The following RPS19 variants were observed in gnomAD, a reference collection of about 807,000 sequenced individuals.
RPS19 encodes ribosomal protein S19.
A neutral mutation model predicts 20.3 loss-of-function variants in RPS19; 1 was observed. The ratio of observed to expected loss-of-function variants is 0.05; its 90% confidence interval spans 0.02 to 0.23. The LOEUF (loss-of-function observed/expected upper bound fraction) is 0.23. Ranked by LOEUF, RPS19 falls within the 10% of genes least tolerant of loss-of-function variation. RPS19 has a pLI of 1.00. For synonymous variants in RPS19, 87 were observed against 74.8 expected (o/e 1.16, Z -0.84); for missense variants, 111 against 192.7 (o/e 0.58, Z 2.51).
intron 1 of RPS19, 109 bp from the exon 2 acceptor site, chr19:41,860,666 G>C: frequency 1.1e-6 from 1 of 876,822 alleles, no homozygotes; most frequent in Non-Finnish European, 2.0e-6. Context: ...AAGTAACGGG[G>C]GGTACCACGG....
chr19:41,872,322 A>C lies in RPS19; in HGVS notation c.*945A>C, dbSNP rs1442641140. ...TTGGGAAGACTAAACTGGTTTGGCCAATATCTCCCAGGATTCCCCTGTCCA... is the reference window on the plus strand; with the variant it reads ...TTGGGAAGACTAAACTGGTTTGGCCCATATCTCCCAGGATTCCCCTGTCCA... On this transcript the variant is annotated 3_prime_UTR_variant, in exon 6 of 6. Coordinates refer to ENST00000598742, the MANE Select transcript of RPS19 (RefSeq NM_001022.4). The C allele has an allele frequency of 6.6e-6, 1 of 152,272 alleles. No individual in the cohort carries two copies. Among genetic ancestry groups the C allele is most frequent in the Non-Finnish European group, 1.5e-5 (1 of 68,038 alleles). The allele number at this position is 152,272 out of a possible 1,614,324, so 9.4% of individuals were successfully genotyped here.
At chr19:41,865,838 A>G (rs2074080960) in intron 3 of RPS19, among the ~76,000 whole-genome samples, 1 of 149,294 alleles carries the variant, frequency 6.7e-6, no homozygotes, top group Non-Finnish European at 1.5e-5. Flanking sequence ...AGTCCCAGTT[A>G]CTGTAGAGGC....
Position 41,871,338 on chromosome 19 carries a change from T to C in RPS19, c.412-13T>C, listed in dbSNP as rs2074147601. ...CCCTTGACTAACTTTTATTCTTCCA[T>C]CTTTTCCCACAGGTGGCAGCTGCCA... On this transcript the variant is annotated splice_polypyrimidine_tract_variant and intron_variant, in intron 5 of 5. Transcript: ENST00000598742. 5 of 1,613,838 alleles carry C rather than the reference T, an allele frequency of 3.1e-6. No homozygotes were observed. In the East Asian group the frequency reaches 1.1e-4, roughly 36 times the overall value.
At chr19:41,870,753 A>G in intron 5 of RPS19, among the ~76,000 whole-genome samples, 1 of 146,606 alleles carries the variant, frequency 6.8e-6, no homozygotes, top group South Asian at 2.3e-4. Flanking sequence ...TTCCAGGCAG[A>G]GTGGGGCTTG....
chr19:41,871,400 A>G lies in RPS19; in HGVS notation c.*23A>G. 6.2e-7 allele frequency: 1 copy of G among 1,610,250 alleles called. No homozygotes were observed. The highest frequency in any genetic ancestry group is 8.5e-7 in the Non-Finnish European group (1 of 1,176,842). Reference sequence around the variant, plus strand: ...TAGAACAAACCATGCTGGGTTAATAAATTGCCTCATTCGTAATCCTGGTCT... The same window carrying G: ...TAGAACAAACCATGCTGGGTTAATAGATTGCCTCATTCGTAATCCTGGTCT... On this transcript the variant is annotated 3_prime_UTR_variant, in exon 6 of 6. Coordinates refer to ENST00000598742, the MANE Select transcript of RPS19 (RefSeq NM_001022.4).
At chr19:41,868,261 G>C (rs945905154) in intron 3 of RPS19, among the ~76,000 whole-genome samples, 3 of 152,186 alleles carry the variant, frequency 2.0e-5, no homozygotes, top group Non-Finnish European at 4.4e-5. Context: ...GGACAGGGCA[G>C]TTCCTCCAGA....
At chr19:41,870,331 C>T (rs2074133849) in intron 5 of RPS19, among the ~76,000 whole-genome samples, 4 of 152,154 alleles carry the variant, frequency 2.6e-5, no homozygotes, top group Non-Finnish European at 5.9e-5. Context: ...GATGACTCCC[C>T]CTCCCCAGGT....
intron 5 of RPS19, among the ~76,000 whole-genome samples, chr19:41,870,818 G>C (rs916358482): frequency 6.7e-6 from 1 of 150,048 alleles, no homozygotes; most frequent in Non-Finnish European, 1.5e-5. Flanking sequence ...GGCAGTGGGC[G>C]GAATTTGGAC....
At chr19:41,866,947 G>A (rs575788809) in intron 3 of RPS19, among the ~76,000 whole-genome samples, 1 of 151,958 alleles carries the variant, frequency 6.6e-6, no homozygotes, top group Non-Finnish European at 1.5e-5. Flanking sequence ...AACCCGGAAG[G>A]CAGAGCTTGC....
chr19:41,861,237 G>A (rs368234739), intron 3 of RPS19, 25 bp downstream of exon 3: 1 of 1,556,806 alleles, frequency 6.4e-7, no homozygotes, highest in Non-Finnish European at 8.9e-7. Context: ...TCTTTGGCTG[G>A]AGAGTGGGGA....
At position 41,871,923 on chromosome 19, in the gene RPS19, C is replaced by G. The variant is rs1443877965; in HGVS notation, c.*546C>G. Reference sequence around the variant, plus strand: ...TCCCTGGAAGGTAGAAAAGGACAGACCACCAGGGAGCCTCCACCGCAAACT... The same window carrying G: ...TCCCTGGAAGGTAGAAAAGGACAGAGCACCAGGGAGCCTCCACCGCAAACT... On this transcript the variant is annotated 3_prime_UTR_variant, in exon 6 of 6. Transcript: ENST00000598742. 6.0e-6 allele frequency: 1 copy of G among 166,620 alleles called. No individual in the cohort carries two copies. Among genetic ancestry groups the G allele is most frequent in the African/African-American group, 2.4e-5 (1 of 41,636 alleles). 10.3% of individuals were successfully genotyped at this position (166,620 alleles called of 1,614,324 possible). A position where few individuals can be genotyped will look rare whatever the true frequency, so the allele number is the denominator to read the frequency against.
At position 41,861,093 on chromosome 19, in the gene RPS19, C is replaced by G. The variant is rs782346634; in HGVS notation, c.72-19C>G. The G allele has an allele frequency of 3.8e-6, 6 of 1,597,374 alleles. No homozygotes were observed. Among genetic ancestry groups the G allele is most frequent in the Non-Finnish European group, 5.1e-6 (6 of 1,165,186 alleles). ...GTGGAGATGACTGAATCGTGCTTTTCCCACTGTTTTGGTCTTAGGTCCGGG... is the reference window on the plus strand; with the variant it reads ...GTGGAGATGACTGAATCGTGCTTTTGCCACTGTTTTGGTCTTAGGTCCGGG... On this transcript the variant is annotated intron_variant, in intron 2 of 5. Transcript: ENST00000598742.
At position 41,860,882 on chromosome 19, in the gene RPS19, C is replaced by T. The variant is rs1555839091; in HGVS notation, c.71+37C>T. On this transcript the variant is annotated intron_variant, in intron 2 of 5. Transcript: ENST00000598742. ...GACTGAGGTTCAAAACGGGTGGAGG[C>T]TGTCGCCTTGGCCTGCCCATCTGAG... 5.7e-6 allele frequency: 9 copies of T among 1,569,744 alleles called. 1 individual carries two copies. The South Asian group carries it at 1.0e-4, about 17-fold the overall frequency.
intron 3 of RPS19, chr19:41,861,530 C>T (rs1600609621): frequency 2.6e-6 from 1 of 387,964 alleles, no homozygotes; most frequent in Non-Finnish European, 4.9e-6. Flanking sequence ...GGGTTTGGAT[C>T]CATCTTTTAC....
At chr19:41,865,663 CAG>C (rs1403836070) in intron 3 of RPS19, among the ~76,000 whole-genome samples, 3 of 152,070 alleles carry the variant, frequency 2.0e-5, no homozygotes, top group African/African-American at 4.8e-5. Flanking sequence ...AGCAAGATAA[CAG>C]AGGCCCGGCG....
In RPS19 at chr19:41,860,801, G is replaced by A; in HGVS notation, c.27G>A (p.Val9=). The A allele has an allele frequency of 6.2e-7, 1 of 1,614,044 alleles. No individual in the cohort carries two copies. The highest frequency in any genetic ancestry group is 8.5e-7 in the Non-Finnish European group (1 of 1,179,876). The part of the protein sequence containing the change: MPGVTVKD[V]NQQEFVRALA... ...TGCCTGGAGTTACTGTAAAAGACGT[G>A]AACCAGCAGGAGTTCGTCAGAGCTC... is the stretch of plus-strand genomic sequence containing the variant. The change falls in exon 2 of 6, where the codon GTG becomes GTA. Residue 9 remains valine (V), a synonymous_variant. Coordinates refer to ENST00000598742, the MANE Select transcript of RPS19 (RefSeq NM_001022.4).
At chr19:41,861,611 ATTAT>A in intron 3 of RPS19, 1 of 337,554 alleles carries the variant, frequency 3.0e-6, no homozygotes, top group South Asian at 2.5e-5. Context: ...AATGGGACTA[ATTAT>A]TGTACCAGTA....
At chr19:41,865,552 G>A (rs1043622775) in intron 3 of RPS19, among the ~76,000 whole-genome samples, 5 of 152,082 alleles carry the variant, frequency 3.3e-5, no homozygotes, top group Non-Finnish European at 7.4e-5. Context: ...TGCTCTGGGC[G>A]CTAGTCCCAA....
chr19:41,865,235 G>T (rs1459683856), intron 3 of RPS19, among the ~76,000 whole-genome samples: 2 of 151,766 alleles, frequency 1.3e-5, no homozygotes, highest in Non-Finnish European at 2.9e-5. Flanking sequence ...CGTGGTAGCA[G>T]GCGCCTGTAG....
Sources: allele counts gnomAD v4.1 joint callset (sites outside exome capture counted in the v4.1 genomes callset), GRCh38; gene constraint gnomAD v4.1.1; transcripts MANE v1.5; gene names NCBI Gene and HGNC (gene_info 2026-07-23, HGNC 2026-07-21).